The following MDGA2 variants were observed in gnomAD, a reference collection of about 807,000 sequenced individuals.
MDGA2 encodes the protein MAM domain containing glycosylphosphatidylinositol anchor 2.
In MDGA2, 40 loss-of-function variants were observed where a neutral mutation model predicts 117.8. That is an observed-to-expected ratio of 0.34 (90% confidence interval 0.26 to 0.44). The LOEUF (loss-of-function observed/expected upper bound fraction) is 0.44. MDGA2 is among the 20% of genes least tolerant of loss of function. The pLI is 1.00. For missense variants in MDGA2, 1,123 were observed against 1,250.6 expected (o/e 0.90, Z 1.54); for synonymous variants, 452 against 439.0 (o/e 1.03, Z -0.37).
intron 1 of MDGA2, among the ~76,000 whole-genome samples, chr14:47,384,795 A>G (rs962468276): frequency 2.0e-5 from 3 of 152,168 alleles, no homozygotes; most frequent in African/African-American, 7.2e-5. Flanking sequence ...TCACTGAACA[A>G]ATGAGGGTGT....
intron 3 of MDGA2, among the ~76,000 whole-genome samples, chr14:47,187,928 T>C (rs1014530766): frequency 6.6e-6 from 1 of 152,078 alleles, no homozygotes; most frequent in Non-Finnish European, 1.5e-5. Flanking sequence ...TGTGTGTGTG[T>C]GTGTGTGTGT....
At chr14:47,217,675 T>C (rs1374488452) in intron 3 of MDGA2, among the ~76,000 whole-genome samples, 1 of 151,976 alleles carries the variant, frequency 6.6e-6, no homozygotes, top group Admixed American at 6.6e-5. Context: ...TACAGCATGA[T>C]CCTATTTTAA....
At position 47,523,215 on chromosome 14, in the gene MDGA2, G is replaced by A. The variant is rs146836753; in HGVS notation, c.280+151302C>T. 1.9e-3 allele frequency among the ~76,000 whole-genome samples: 291 copies of A among 152,146 alleles called. 1 individual carries two copies. The highest frequency in any genetic ancestry group is 6.6e-3 in the African/African-American group (276 of 41,514). On this transcript the variant is annotated intron_variant, in intron 1 of 16. Transcript: ENST00000399232. Reference sequence around the variant, plus strand: ...AAATATAATCAAGTCCATATTTCTCGCTTATTCAGGTTTCACATGACAAAA... The same window carrying A: ...AAATATAATCAAGTCCATATTTCTCACTTATTCAGGTTTCACATGACAAAA...
Position 47,144,228 on chromosome 14 carries a change from A to T in MDGA2, c.642T>A (p.Ala214=). ...VVTVHQSIGE[A]KEQFYYERTV... The stretch of plus-strand genomic sequence containing the variant: ...TTCTCTCATAGTAAAATTGTTCTTT[A>T]GCTTCACCTATACTTTGATGAACAG... Residue 214 remains alanine, a synonymous_variant, in exon 4 of 17, where the codon GCT becomes GCA. Transcript: ENST00000399232. The T allele has an allele frequency of 2.6e-6, 4 of 1,551,262 alleles. No individual in the cohort carries two copies. Among genetic ancestry groups the T allele is most frequent in the Non-Finnish European group, 3.5e-6 (4 of 1,146,692 alleles).
At chr14:46,909,642 G>A (rs757556890) in intron 10 of MDGA2, among the ~76,000 whole-genome samples, 2 of 152,090 alleles carry the variant, frequency 1.3e-5, no homozygotes, top group Non-Finnish European at 2.9e-5. Context: ...AATTATAGAG[G>A]AGATATTGTA....
intron 2 of MDGA2, among the ~76,000 whole-genome samples, chr14:47,252,879 C>T (rs1379527845): frequency 6.6e-6 from 1 of 152,110 alleles, no homozygotes; most frequent in African/African-American, 2.4e-5. Context: ...TTAATTGACT[C>T]ACAGTTAAGC....
intron 8 of MDGA2, among the ~76,000 whole-genome samples, chr14:46,960,967 C>CACAA (rs1885785465): frequency 7.0e-6 from 1 of 142,544 alleles, no homozygotes; most frequent in African/African-American, 2.7e-5. Context: ...CACACACACA[C>CACAA]ACATAAAACA....
chr14:47,183,429 C>T (rs1262186778), intron 3 of MDGA2, among the ~76,000 whole-genome samples: 1 of 152,022 alleles, frequency 6.6e-6, no homozygotes, highest in Non-Finnish European at 1.5e-5. Flanking sequence ...TTTGACATTT[C>T]AATAGATCCC....
intron 2 of MDGA2, among the ~76,000 whole-genome samples, chr14:47,247,584 T>C (rs1887287751): frequency 6.6e-6 from 1 of 151,322 alleles, no homozygotes; most frequent in Non-Finnish European, 1.5e-5. Context: ...ATTACAGGCG[T>C]GAGCCACCGT....
chr14:47,372,911 A>G (rs766924304), intron 1 of MDGA2, among the ~76,000 whole-genome samples: 8 of 151,978 alleles, frequency 5.3e-5, no homozygotes, highest in Non-Finnish European at 8.8e-5. Context: ...AGTCAGAGCT[A>G]TCTCTTTTGG....
intron 1 of MDGA2, among the ~76,000 whole-genome samples, chr14:47,539,890 C>A (rs1452228940): frequency 6.6e-6 from 1 of 152,236 alleles, no homozygotes; most frequent in Admixed American, 6.5e-5. Context: ...TCCATGCTCA[C>A]CACACTGGCC....
At chr14:46,971,910 T>C (rs1886281711) in intron 8 of MDGA2, among the ~76,000 whole-genome samples, 1 of 152,144 alleles carries the variant, frequency 6.6e-6, no homozygotes, top group South Asian at 2.1e-4. Flanking sequence ...TTAAATCCTG[T>C]AGTATTTTTG....
intron 1 of MDGA2, among the ~76,000 whole-genome samples, chr14:47,513,202 A>G (rs1367224343): frequency 6.6e-6 from 1 of 152,150 alleles, no homozygotes; most frequent in Admixed American, 6.5e-5. Context: ...TAAAATAGGA[A>G]CTATTACAAA....
At chr14:47,011,236 G>A (rs200371850) in intron 8 of MDGA2, among the ~76,000 whole-genome samples, 1 of 152,020 alleles carries the variant, frequency 6.6e-6, no homozygotes, top group East Asian at 1.9e-4. Context: ...CACATAGCAT[G>A]AAATTAGAAC....
chr14:47,044,847 AT>A (rs1387048416), intron 7 of MDGA2, among the ~76,000 whole-genome samples: 1 of 152,150 alleles, frequency 6.6e-6, no homozygotes, highest in African/African-American at 2.4e-5. Flanking sequence ...CATAATGACT[AT>A]TTTTGAAAGA....
In MDGA2 at chr14:47,218,075, C is replaced by T; in HGVS notation, c.541G>A (p.Ala181Thr). ...GCTGGAGACCCCAAGCCATTCTCTG[C>T]TTTACAGTAATACCGGCCTCCTTGG... ...RHQGGRYYCKAENGLGSPAIK... is the reference protein window; with the variant it reads ...RHQGGRYYCKTENGLGSPAIK... The change falls in exon 3 of 17, where the codon GCA (alanine) becomes ACA (threonine). Residue 181 changes from alanine to threonine, a missense_variant. Physicochemically the swap from Ala to Thr is moderately conservative, Grantham distance 58 (BLOSUM62 0). This residue lies in a region of MDGA2 where 890 missense variants were observed against 1,050.3 expected (regional missense o/e 0.85). Transcript: ENST00000399232. 6.4e-7 allele frequency: 1 copy of T among 1,551,508 alleles called. No homozygotes were observed. Among genetic ancestry groups the T allele is most frequent in the Non-Finnish European group, 8.7e-7 (1 of 1,146,722 alleles).
chr14:47,489,270 C>G (rs1894119701), intron 1 of MDGA2, among the ~76,000 whole-genome samples: 1 of 151,998 alleles, frequency 6.6e-6, no homozygotes, highest in South Asian at 2.1e-4. Flanking sequence ...ATGTTTTTCT[C>G]TCCAAATTTA....
Position 47,489,397 on chromosome 14 carries a change from T to C in MDGA2, c.280+185120A>G, listed in dbSNP as rs1894123352. 1.3e-5 allele frequency among the ~76,000 whole-genome samples: 2 copies of C among 152,068 alleles called. 1 individual carries two copies. Among genetic ancestry groups the C allele is most frequent in the South Asian group, 4.1e-4 (2 of 4,830 alleles). On this transcript the variant is annotated intron_variant, in intron 1 of 16. Coordinates refer to ENST00000399232, the MANE Select transcript of MDGA2 (RefSeq NM_001113498.3). ...GTTTATGTTTTATCCCTGAACATCG[T>C]ACTCAAAAATTGACAGCTAATTAAA...
At chr14:47,072,649 C>T (rs1288807417) in intron 6 of MDGA2, among the ~76,000 whole-genome samples, 1 of 152,126 alleles carries the variant, frequency 6.6e-6, no homozygotes, top group Non-Finnish European at 1.5e-5. Context: ...GATGACACCC[C>T]AGGCCCAATC....
Sources: gnomAD v4.1 joint callset for allele counts (sites outside exome capture counted in the v4.1 genomes callset) on GRCh38, gnomAD v4.1.1 for gene constraint, gnomAD v4.1.1 regional missense constraint, MANE v1.5 for transcripts, NCBI Gene and HGNC (gene_info 2026-07-23, HGNC 2026-07-21) for gene names.